PAK5: variants seen among roughly 807,000 people sequenced by gnomAD.
The protein encoded by PAK5 is serine/threonine-protein kinase PAK 5.
A neutral mutation model predicts 65.9 loss-of-function variants in PAK5; 16 were observed. The ratio of observed to expected loss-of-function variants is 0.24; its 90% confidence interval spans 0.16 to 0.37. PAK5 has a LOEUF of 0.37. Ranked by LOEUF, PAK5 falls within the 10% of genes least tolerant of loss-of-function variation. The probability of loss-of-function intolerance (pLI) is 1.00; values close to 1 mark genes in which losing one functional copy is unlikely to be tolerated. For synonymous variants in PAK5, 371 were observed against 354.9 expected (o/e 1.05, Z -0.51); for missense variants, 785 against 903.9 (o/e 0.87, Z 1.69).
intron 2 of PAK5, among the ~76,000 whole-genome samples, chr20:9,690,474 G>A (rs987006671): frequency 6.6e-6 from 1 of 152,120 alleles, no homozygotes. Context: ...TGGTAGGGAA[G>A]TAGGGAAATA....
intron 2 of PAK5, among the ~76,000 whole-genome samples, chr20:9,704,898 C>T (rs115111108): frequency 4.0e-4 from 61 of 152,210 alleles, no homozygotes; most frequent in African/African-American, 1.4e-3. Flanking sequence ...AGAGAGAGAT[C>T]GTCAGAGAGA....
At chr20:9,786,476 C>G (rs1445898333) in intron 1 of PAK5, among the ~76,000 whole-genome samples, 3 of 152,134 alleles carry the variant, frequency 2.0e-5, no homozygotes, top group Admixed American at 6.6e-5. Flanking sequence ...TCCCCTTTCT[C>G]AAAGCCCTAC....
intron 1 of PAK5, among the ~76,000 whole-genome samples, chr20:9,826,317 C>T (rs2049484376): frequency 6.6e-6 from 1 of 152,084 alleles, no homozygotes; most frequent in South Asian, 2.1e-4. Context: ...ATAGAATTCA[C>T]AGTGTTCTAC....
intron 2 of PAK5, among the ~76,000 whole-genome samples, chr20:9,695,331 C>T (rs2047853814): frequency 6.6e-6 from 1 of 151,986 alleles, no homozygotes; most frequent in Admixed American, 6.6e-5. Context: ...TTTTCGTGCT[C>T]AAAGATGTAT....
chr20:9,611,691 A>C (rs6056752), intron 3 of PAK5, among the ~76,000 whole-genome samples: 46,953 of 151,974 alleles, frequency 0.31, 8,141 homozygotes, highest in African/African-American at 0.46. Context: ...TATCTTTCAT[A>C]ACTCTAATTT....
At chr20:9,653,978 C>A (rs1350703066) in intron 2 of PAK5, among the ~76,000 whole-genome samples, 3 of 139,822 alleles carry the variant, frequency 2.1e-5, no homozygotes, top group Non-Finnish European at 3.1e-5. Context: ...TTTTTTTTGA[C>A]AGGGTCACGT....
chr20:9,724,998 T>C (rs2048259601), intron 1 of PAK5, among the ~76,000 whole-genome samples: 1 of 152,128 alleles, frequency 6.6e-6, no homozygotes, highest in Non-Finnish European at 1.5e-5. Context: ...TATCAAAATA[T>C]CTGACATAAC....
intron 3 of PAK5, among the ~76,000 whole-genome samples, chr20:9,635,345 G>T (rs1311207543): frequency 7.9e-5 from 12 of 152,076 alleles, no homozygotes; most frequent in Non-Finnish European, 4.4e-5. Context: ...ACAATTTCTT[G>T]ATCTGAGACC....
intron 1 of PAK5, among the ~76,000 whole-genome samples, chr20:9,770,124 A>G (rs749759829): frequency 6.6e-6 from 1 of 152,158 alleles, no homozygotes; most frequent in Non-Finnish European, 1.5e-5. Flanking sequence ...GAGGGGGAAG[A>G]GTTGCCAGAG....
At chr20:9,820,652 A>T (rs1471712249) in intron 1 of PAK5, among the ~76,000 whole-genome samples, 1 of 152,224 alleles carries the variant, frequency 6.6e-6, no homozygotes, top group South Asian at 2.1e-4. Context: ...TTCCAGTCCA[A>T]TGGGACAAAG....
chr20:9,641,549 C>A (rs184896815), intron 3 of PAK5, among the ~76,000 whole-genome samples: 1 of 151,086 alleles, frequency 6.6e-6, no homozygotes, highest in Admixed American at 6.6e-5. Context: ...CGCACCGGGG[C>A]TGCAGGTGGA....
intron 1 of PAK5, among the ~76,000 whole-genome samples, chr20:9,729,438 T>C (rs1452183408): frequency 6.6e-6 from 1 of 151,998 alleles, no homozygotes; most frequent in African/African-American, 2.4e-5. Flanking sequence ...GTTGTCTCAA[T>C]ATCCACTTCC....
chr20:9,631,739 A>G (rs1471951421), intron 3 of PAK5, among the ~76,000 whole-genome samples: 1 of 152,232 alleles, frequency 6.6e-6, no homozygotes, highest in Non-Finnish European at 1.5e-5. Context: ...AAGGTTCTCA[A>G]CAGGTGATGG....
intron 2 of PAK5, among the ~76,000 whole-genome samples, chr20:9,663,682 A>C (rs1240447857): frequency 1.3e-5 from 2 of 152,208 alleles, no homozygotes; most frequent in Admixed American, 6.5e-5. Context: ...CTTGGAGACC[A>C]TATCCAGCAG....
chr20:9,730,019 G>C (rs1294700342), intron 1 of PAK5, among the ~76,000 whole-genome samples: 16 of 125,208 alleles, frequency 1.3e-4, no homozygotes, highest in Admixed American at 1.0e-3. Context: ...AAAAAAGAGA[G>C]AGAGAGAGAG....
chr20:9,748,812 A>G (rs1313173796), intron 1 of PAK5, among the ~76,000 whole-genome samples: 3 of 152,190 alleles, frequency 2.0e-5, no homozygotes, highest in African/African-American at 7.2e-5. Context: ...CCACAGTGTT[A>G]TGAGCACCTC....
Position 9,644,218 on chromosome 20 carries a change from C to G in PAK5, c.111G>C (p.Gln37His), listed in dbSNP as rs746222055. 1 of 1,608,836 alleles carries G rather than the reference C, an allele frequency of 6.2e-7. No homozygotes were observed. Among genetic ancestry groups the G allele is most frequent in the African/African-American group, 1.3e-5 (1 of 74,572 alleles). ...TATCTGCTAACAGGCTGTGCCACTGCTGGGGAAGGCCGGTAAACTTCTGCT... is the reference window on the plus strand; with the variant it reads ...TATCTGCTAACAGGCTGTGCCACTGGTGGGGAAGGCCGGTAAACTTCTGCT... Reference protein sequence around the residue: ...PQEQKFTGLPQQWHSLLADTA... With the variant: ...PQEQKFTGLPHQWHSLLADTA... Residue 37 changes from glutamine (Q) to histidine (H), a missense_variant, in exon 3 of 10, where the codon CAG becomes CAC. Gln to His is a conservative substitution (Grantham distance 24). Coordinates refer to ENST00000353224, the MANE Select transcript of PAK5 (RefSeq NM_177990.4).
chr20:9,638,511 C>G (rs1266871911), intron 3 of PAK5, among the ~76,000 whole-genome samples: 1 of 152,224 alleles, frequency 6.6e-6, no homozygotes, highest in African/African-American at 2.4e-5. Flanking sequence ...TTTTATACTA[C>G]TTAAATCAAA....
chr20:9,767,156 A>T (rs2048778201), intron 1 of PAK5, among the ~76,000 whole-genome samples: 1 of 152,160 alleles, frequency 6.6e-6, no homozygotes, highest in African/African-American at 2.4e-5. Context: ...GATGATTTTT[A>T]TCAGGCCACA....
Sources: allele counts gnomAD v4.1 joint callset (sites outside exome capture counted in the v4.1 genomes callset), GRCh38; gene constraint gnomAD v4.1.1; transcripts MANE v1.5; gene names NCBI Gene and HGNC (gene_info 2026-07-23, HGNC 2026-07-21).